The following PPP1R12B variants were observed in gnomAD, a reference collection of about 807,000 sequenced individuals.
The protein encoded by PPP1R12B is myosin phosphatase target subunit 2.
PPP1R12B carries 76 observed loss-of-function variants against 126.1 expected under a neutral mutation model. The ratio of observed to expected loss-of-function variants is 0.60; its 90% CI spans 0.50 to 0.73. The LOEUF is 0.73. Among genes scored for constraint, PPP1R12B ranks in the 30% least tolerant of loss-of-function variants. The pLI is 0.00. For synonymous variants in PPP1R12B, 356 were observed against 434.7 expected, an observed-to-expected ratio of 0.82 and a Z score of 2.25; for missense variants, 1,052 against 1,205.1, an observed-to-expected ratio of 0.87 and a Z score of 1.88.
chr1:202,491,699 A>T (rs185186527), intron 14 of PPP1R12B, among the ~76,000 whole-genome samples: 164 of 152,324 alleles, frequency 1.1e-3, no homozygotes, highest in Non-Finnish European at 6.9e-4. Context: ...AGACAGGAAC[A>T]TAGAAACGTC....
intron 13 of PPP1R12B, among the ~76,000 whole-genome samples, chr1:202,484,225 G>A (rs1476033209): frequency 6.6e-6 from 1 of 151,926 alleles, no homozygotes; most frequent in East Asian, 1.9e-4. Flanking sequence ...TGGTTTGGTG[G>A]TTTTCTGTAG....
intron 3 of PPP1R12B, among the ~76,000 whole-genome samples, chr1:202,424,836 A>G (rs1322501133): frequency 6.6e-6 from 1 of 152,226 alleles, no homozygotes; most frequent in Non-Finnish European, 1.5e-5. Flanking sequence ...GTTTTTAAGG[A>G]AAACAAAATC....
chr1:202,381,103 G>A (rs1558154263), intron 1 of PPP1R12B, among the ~76,000 whole-genome samples: 1 of 152,042 alleles, frequency 6.6e-6, no homozygotes, highest in Non-Finnish European at 1.5e-5. Flanking sequence ...GTATTCCCTT[G>A]CACACACACA....
In PPP1R12B at chr1:202,524,806, A is replaced by G. The variant is rs181105230; in HGVS notation, c.2490+27984A>G. On this transcript the variant is annotated intron_variant, in intron 18 of 23. Transcript: ENST00000608999. ...TTTGGGCTGGTTCCAAATTTTTGCAATTGCAGATTGTGCTGCTGTAAACAT... is the reference window on the plus strand; with the variant it reads ...TTTGGGCTGGTTCCAAATTTTTGCAGTTGCAGATTGTGCTGCTGTAAACAT... Among the ~76,000 whole-genome samples the G allele has an allele frequency of 7.2e-5, 11 of 152,280 alleles. No individual in the cohort carries two copies. The Middle Eastern group carries it at 0.01, about 141-fold the overall frequency.
At chr1:202,574,859 C>T in intron 23 of PPP1R12B, 1 of 796,168 alleles carries the variant, frequency 1.3e-6, no homozygotes, top group Non-Finnish European at 1.9e-6. Context: ...TGACTCCTGC[C>T]TTTCTCATTT....
rs776530091 is a variant in PPP1R12B, at chr1:202,589,094, A to ATTGT, written c.*8537_*8540dup. On this transcript the variant is annotated 3_prime_UTR_variant, in exon 24 of 24. Coordinates refer to ENST00000608999, the MANE Select transcript of PPP1R12B (RefSeq NM_002481.4). ...TATATCCATAAGTCTTCATGAGGTC[A>ATTGT]TTGTTTAATTCAGGAGATCCAAAAC... 5 of 152,318 alleles carry ATTGT rather than the reference A, an allele frequency of 3.3e-5. No individual in the cohort carries two copies. Among genetic ancestry groups the ATTGT allele is most frequent in the East Asian group, 1.9e-4 (1 of 5,192 alleles). The allele number at this position is 152,318 out of a possible 1,614,324, so 9.4% of individuals were successfully genotyped here.
chr1:202,476,942 T>C (rs1676753201), intron 13 of PPP1R12B, among the ~76,000 whole-genome samples: 1 of 152,164 alleles, frequency 6.6e-6, no homozygotes, highest in Admixed American at 6.5e-5. Flanking sequence ...ATTTCTTTTT[T>C]CATTCTTCTA....
intron 1 of PPP1R12B, among the ~76,000 whole-genome samples, chr1:202,395,114 CA>C (rs71142529): frequency 1.2e-4 from 12 of 97,912 alleles, no homozygotes; most frequent in African/African-American, 3.8e-4. Flanking sequence ...GAGACTCTCT[CA>C]AAAAAAAAAA....
intron 18 of PPP1R12B, among the ~76,000 whole-genome samples, chr1:202,531,678 C>T (rs1683963084): frequency 6.6e-6 from 1 of 152,190 alleles, no homozygotes; most frequent in African/African-American, 2.4e-5. Flanking sequence ...ATACTTGACT[C>T]ATCACCTTCT....
chr1:202,405,548 T>C (rs1205706251), intron 1 of PPP1R12B, among the ~76,000 whole-genome samples: 1 of 152,230 alleles, frequency 6.6e-6, no homozygotes, highest in Non-Finnish European at 1.5e-5. Context: ...CATTTAACTG[T>C]GTGCCAGGCT....
chr1:202,462,848 C>G, intron 13 of PPP1R12B: 1 of 985,338 alleles, frequency 1.0e-6, no homozygotes, highest in Non-Finnish European at 1.2e-6. Flanking sequence ...AGTTGCTGCA[C>G]AAGTGTGTGG....
At chr1:202,512,451 A>G (rs189809382) in intron 18 of PPP1R12B, among the ~76,000 whole-genome samples, 166 of 152,352 alleles carry the variant, frequency 1.1e-3, no homozygotes, top group African/African-American at 3.8e-3. Flanking sequence ...GGGAAGATGC[A>G]TGGAATTGGC....
At chr1:202,445,032 G>T (rs1464874801) in intron 12 of PPP1R12B, 2 of 1,247,056 alleles carry the variant, frequency 1.6e-6, no homozygotes, top group East Asian at 6.3e-5. Flanking sequence ...AAGTGACTGT[G>T]TGCTGTTTTG....
chr1:202,497,083 C>G (rs1679651859), intron 18 of PPP1R12B, among the ~76,000 whole-genome samples: 1 of 152,170 alleles, frequency 6.6e-6, no homozygotes, highest in Admixed American at 6.5e-5. Flanking sequence ...TAGGATCCAT[C>G]ATTTTCTCTC....
chr1:202,498,865 T>C (rs1282123934), intron 18 of PPP1R12B, among the ~76,000 whole-genome samples: 1 of 152,196 alleles, frequency 6.6e-6, no homozygotes, highest in Non-Finnish European at 1.5e-5. Context: ...CTCTTTCCTT[T>C]CTTGGTTTTT....
intron 3 of PPP1R12B, among the ~76,000 whole-genome samples, chr1:202,423,919 A>G (rs1669143479): frequency 6.6e-6 from 1 of 152,130 alleles, no homozygotes; most frequent in Admixed American, 6.5e-5. Flanking sequence ...TCCTGACCCC[A>G]AGTGATCCAC....
chr1:202,562,349 T>A (rs1248763358), intron 19 of PPP1R12B, among the ~76,000 whole-genome samples: 1 of 152,190 alleles, frequency 6.6e-6, no homozygotes, highest in Non-Finnish European at 1.5e-5. Flanking sequence ...CTATTCAACC[T>A]CCAGCTCAGA....
intron 1 of PPP1R12B, among the ~76,000 whole-genome samples, chr1:202,371,363 C>G (rs1343932261): frequency 6.6e-6 from 1 of 151,578 alleles, no homozygotes; most frequent in Non-Finnish European, 1.5e-5. Context: ...CATTTTTTTC[C>G]TTTTCTTTTT....
chr1:202,359,708 G>A (rs904950645), intron 1 of PPP1R12B, among the ~76,000 whole-genome samples: 15 of 151,860 alleles, frequency 9.9e-5, no homozygotes, highest in African/African-American at 3.6e-4. Context: ...CGGTGCTAAG[G>A]CAGGAGAATC....
Sources: allele counts gnomAD v4.1 joint callset (sites outside exome capture counted in the v4.1 genomes callset), GRCh38; gene constraint gnomAD v4.1.1; transcripts MANE v1.5; gene names NCBI Gene and HGNC (gene_info 2026-07-23, HGNC 2026-07-21).